The following SH3D19 variants were observed in gnomAD, a reference collection of about 807,000 sequenced individuals.
SH3D19 encodes the protein SH3 domain-containing protein 19.
Under a neutral mutation model 112.1 loss-of-function variants are expected in SH3D19, and 58 were observed. The observed-to-expected ratio is 0.52, with a 90% CI of 0.42 to 0.64. The LOEUF is 0.64. Among genes scored for constraint, SH3D19 ranks in the 30% least tolerant of loss-of-function variants. SH3D19 has a pLI of 0.00. For missense variants in SH3D19, 1,090 were observed against 1,263.4 expected (o/e 0.86, Z 2.08); for synonymous variants, 391 against 448.5 (o/e 0.87, Z 1.62).
chr4:151,139,421 G>C (rs2149756894), intron 13 of SH3D19, among the ~76,000 whole-genome samples: 1 of 152,300 alleles, frequency 6.6e-6, no homozygotes, highest in South Asian at 2.1e-4. Flanking sequence ...CAAAGTGCTG[G>C]GATTACAGGC....
chr4:151,303,751 T>C (rs1377006618), intron 1 of SH3D19, among the ~76,000 whole-genome samples: 1 of 151,714 alleles, frequency 6.6e-6, no homozygotes, highest in Non-Finnish European at 1.5e-5. Context: ...AACAAAGGGG[T>C]TTGGGGTGGT....
rs775428050 is a variant in SH3D19 at position 151,143,978 on chromosome 4, C to T, written c.2155G>A (p.Gly719Ser). The change falls in exon 12 of 20, where the codon GGC becomes AGC. Residue 719 changes from glycine (G) to serine (S), a missense_variant. By Grantham distance (56) the Gly-to-Ser change is moderately conservative. Transcript: ENST00000604030. ...YLECQKGEDTGRVHLSQMKII... is the reference protein window; with the variant it reads ...YLECQKGEDTSRVHLSQMKII... Reference sequence around the variant, plus strand: ...TTCATTTGAGACAGGTGAACTCTGCCAGTGTCTTCTCCCTTTTGGCACTCC... The same window carrying T: ...TTCATTTGAGACAGGTGAACTCTGCTAGTGTCTTCTCCCTTTTGGCACTCC... 6.2e-7 allele frequency: 1 copy of T among 1,614,134 alleles called. No individual in the cohort carries two copies. The highest frequency in any genetic ancestry group is 1.1e-5 in the South Asian group (1 of 91,076).
Position 151,122,255 on chromosome 4 carries a change from C to CA in SH3D19, c.3028-49dup, listed in dbSNP as rs775075959. 2.9e-6 allele frequency: 3 copies of CA among 1,030,828 alleles called. No individual in the cohort carries two copies. In the African/African-American group the frequency reaches 4.7e-5, roughly 16 times the overall value. The allele number at this position is 1,030,828 out of a possible 1,614,324, so 63.9% of individuals were successfully genotyped here. On this transcript the variant is annotated intron_variant, in intron 19 of 19. Transcript: ENST00000604030. ...ATTACTGGTTTCTGTTGAGAATAAGCATGGTAAATAGTGGCCTACCTAGGG... is the reference window on the plus strand; with the variant it reads ...ATTACTGGTTTCTGTTGAGAATAAGCAATGGTAAATAGTGGCCTACCTAGGG...
chr4:151,192,568 A>C (rs1762823195), intron 2 of SH3D19, among the ~76,000 whole-genome samples: 1 of 152,224 alleles, frequency 6.6e-6, no homozygotes, highest in Non-Finnish European at 1.5e-5. Flanking sequence ...TTATAAATTT[A>C]AATGATTTGC....
At chr4:151,180,889 G>A (rs901982695) in intron 3 of SH3D19, among the ~76,000 whole-genome samples, 24 of 149,862 alleles carry the variant, frequency 1.6e-4, no homozygotes, top group African/African-American at 2.2e-4. Flanking sequence ...TCAGCCTCCC[G>A]AGTAGCTGGG....
At chr4:151,284,498 T>C (rs1017024711) in intron 1 of SH3D19, among the ~76,000 whole-genome samples, 4 of 152,262 alleles carry the variant, frequency 2.6e-5, no homozygotes, top group Admixed American at 6.5e-5. Context: ...TTCCTTTACA[T>C]GTGTTGATCA....
chr4:151,267,618 A>G (rs1015743795), intron 1 of SH3D19, among the ~76,000 whole-genome samples: 5 of 152,348 alleles, frequency 3.3e-5, no homozygotes, highest in Non-Finnish European at 2.9e-5. Context: ...AAAGTATCAA[A>G]TCTTGTTTTT....
At chr4:151,263,516 G>A (rs1053382240) in intron 1 of SH3D19, among the ~76,000 whole-genome samples, 4 of 152,222 alleles carry the variant, frequency 2.6e-5, no homozygotes, top group Non-Finnish European at 5.9e-5. Context: ...CTAAAACAAT[G>A]AACATTTATT....
chr4:151,188,568 T>A (rs1762137606), intron 2 of SH3D19, among the ~76,000 whole-genome samples: 1 of 152,222 alleles, frequency 6.6e-6, no homozygotes, highest in Non-Finnish European at 1.5e-5. Flanking sequence ...ATTTCAAATT[T>A]TGAAGCATTC....
chr4:151,320,709 T>C (rs1354329497), intron 1 of SH3D19, among the ~76,000 whole-genome samples: 1 of 151,694 alleles, frequency 6.6e-6, no homozygotes, highest in Non-Finnish European at 1.5e-5. Flanking sequence ...ATAGGCAAAA[T>C]GCTGTGGTAT....
At chr4:151,153,517 G>C (rs1755483971) in intron 9 of SH3D19, among the ~76,000 whole-genome samples, 1 of 152,138 alleles carries the variant, frequency 6.6e-6, no homozygotes, top group Non-Finnish European at 1.5e-5. Flanking sequence ...AAAGTGCTGT[G>C]AATACAGGCA....
At chr4:151,165,531 G>T in intron 8 of SH3D19, 58 bp downstream of exon 8, 1 of 1,277,734 alleles carries the variant, frequency 7.8e-7, no homozygotes, top group Non-Finnish European at 1.1e-6. Context: ...TGATAAATTA[G>T]CATATATTTC....
intron 1 of SH3D19, among the ~76,000 whole-genome samples, chr4:151,319,422 A>G (rs1261700754): frequency 6.6e-6 from 1 of 152,232 alleles, no homozygotes; most frequent in African/African-American, 2.4e-5. Context: ...GTTTCCATGG[A>G]ACTTAAAATA....
chr4:151,238,225 G>T (rs981060123), intron 1 of SH3D19, among the ~76,000 whole-genome samples: 15 of 152,098 alleles, frequency 9.9e-5, no homozygotes, highest in African/African-American at 3.6e-4. Flanking sequence ...TTCTGAGTAG[G>T]ATGAAAGAGT....
chr4:151,209,076 G>T (rs1056455034), intron 2 of SH3D19, among the ~76,000 whole-genome samples: 4 of 151,968 alleles, frequency 2.6e-5, no homozygotes, highest in African/African-American at 9.7e-5. Flanking sequence ...CAAGAGATAG[G>T]TACTTTAATT....
At chr4:151,324,783 G>A (rs1352452062) in intron 1 of SH3D19, among the ~76,000 whole-genome samples, 1 of 149,774 alleles carries the variant, frequency 6.7e-6, no homozygotes, top group Non-Finnish European at 1.5e-5. Flanking sequence ...GGGGAGGGAG[G>A]GAGGGGGGTC....
At chr4:151,168,064 A>C (rs1340326010) in intron 7 of SH3D19, among the ~76,000 whole-genome samples, 1 of 152,262 alleles carries the variant, frequency 6.6e-6, no homozygotes, top group Non-Finnish European at 1.5e-5. Flanking sequence ...TGCTGGGAAT[A>C]TAGCAGTGAA....
chr4:151,228,126 T>C, intron 1 of SH3D19: 1 of 761,482 alleles, frequency 1.3e-6, no homozygotes, highest in African/African-American at 1.9e-5. Flanking sequence ...TCATAGCACT[T>C]TTCTATTGAA....
At position 151,154,781 on chromosome 4, in the gene SH3D19, C is replaced by T. The variant is rs185591032; in HGVS notation, c.1755+4459G>A. Among the ~76,000 whole-genome samples the T allele has an allele frequency of 5.3e-5, 8 of 151,616 alleles. No individual in the cohort carries two copies. The South Asian group carries it at 6.3e-4, about 12-fold the overall frequency. ...ACTATTTCTTTTTTTCTTCTGGAGA[C>T]GAGTCTTGCTCTGTTGCCCAGGCTA... On this transcript the variant is annotated intron_variant, in intron 9 of 19. Coordinates refer to ENST00000604030, the MANE Select transcript of SH3D19 (RefSeq NM_001378122.1).
Sources: allele counts gnomAD v4.1 joint callset (sites outside exome capture counted in the v4.1 genomes callset), GRCh38; gene constraint gnomAD v4.1.1; transcripts MANE v1.5; gene names NCBI Gene and HGNC (gene_info 2026-07-23, HGNC 2026-07-21).